CDK6: variants seen among roughly 807,000 people sequenced by gnomAD.
CDK6 encodes the protein cyclin dependent kinase 6.
A neutral mutation model predicts 37.1 loss-of-function variants in CDK6; 6 were observed. The observed-to-expected ratio is 0.16, with a 90% CI of 0.09 to 0.32. The LOEUF (loss-of-function observed/expected upper bound fraction) is 0.32. Ranked by LOEUF, CDK6 falls within the 10% of genes least tolerant of loss-of-function variation. The pLI, the probability that CDK6 is intolerant of heterozygous loss-of-function variation, is 1.00. For synonymous variants in CDK6, 160 were observed against 161.3 expected, an observed-to-expected ratio of 0.99 and a Z score of 0.06; for missense variants, 224 against 418.9, an observed-to-expected ratio of 0.53 and a Z score of 4.06.
At chr7:92,625,542 C>CA (rs922740091) in intron 5 of CDK6, among the ~76,000 whole-genome samples, 69 of 145,134 alleles carry the variant, frequency 4.8e-4, no homozygotes, top group Non-Finnish European at 9.4e-4. Flanking sequence ...CAAAAAAAAA[C>CA]AAAACAAAAC....
intron 2 of CDK6, among the ~76,000 whole-genome samples, chr7:92,782,644 G>A (rs1471300875): frequency 6.6e-6 from 1 of 152,192 alleles, no homozygotes. Context: ...ATGCAGAAGA[G>A]GGCCAGAACA....
chr7:92,638,538 T>C (rs1333354607), intron 5 of CDK6, among the ~76,000 whole-genome samples: 1 of 152,180 alleles, frequency 6.6e-6, no homozygotes, highest in Non-Finnish European at 1.5e-5. Flanking sequence ...CTCTGACAGG[T>C]AGCAGGACAA....
Position 92,776,313 on chromosome 7 carries a change from T to C in CDK6, c.234-1482A>G, listed in dbSNP as rs866419399. Among the ~76,000 whole-genome samples, 4 of 152,250 alleles carry C rather than the reference T, an allele frequency of 2.6e-5. No individual in the cohort carries two copies. In the South Asian group the frequency reaches 8.3e-4, roughly 31 times the overall value. On this transcript the variant is annotated intron_variant, in intron 2 of 7. Transcript: ENST00000424848. ...TTTTCTTTATCCAGTCTATCATTGA[T>C]GGGCATTTGGGTTGATTCCAAGTCT...
chr7:92,674,854 C>T (rs1338377447), intron 4 of CDK6, among the ~76,000 whole-genome samples: 1 of 152,154 alleles, frequency 6.6e-6, no homozygotes, highest in Non-Finnish European at 1.5e-5. Flanking sequence ...TCTTTTTAGA[C>T]AGGGTCTTGC....
At chr7:92,648,657 C>T (rs956626085) in intron 5 of CDK6, among the ~76,000 whole-genome samples, 1 of 152,098 alleles carries the variant, frequency 6.6e-6, no homozygotes, top group Admixed American at 6.5e-5. Flanking sequence ...GATGACAAAC[C>T]TAGAATGCCC....
chr7:92,682,403 T>C (rs999861797), intron 4 of CDK6, among the ~76,000 whole-genome samples: 3 of 152,330 alleles, frequency 2.0e-5, no homozygotes, highest in East Asian at 1.9e-4. Context: ...GGTCTTCCCA[T>C]AGGCCCTTCT....
Position 92,719,249 on chromosome 7 carries a change from C to T in CDK6, c.537+6377G>A, listed in dbSNP as rs943666767. Reference sequence around the variant, plus strand: ...CATCCCATCACCTGGGTATCAAGTCCAGTATTCATTAGCTATTCTTCCTGA... The same window carrying T: ...CATCCCATCACCTGGGTATCAAGTCTAGTATTCATTAGCTATTCTTCCTGA... On this transcript the variant is annotated intron_variant, in intron 4 of 7. Coordinates refer to ENST00000424848, the MANE Select transcript of CDK6 (RefSeq NM_001145306.2). Among the ~76,000 whole-genome samples, 6 of 152,172 alleles carry T rather than the reference C, an allele frequency of 3.9e-5. No individual in the cohort carries two copies. In the East Asian group the frequency reaches 1.2e-3, roughly 29 times the overall value.
Position 92,835,502 on chromosome 7 carries a change from C to T in CDK6, c.-368+976G>A, listed in dbSNP as rs1045480718. Among the ~76,000 whole-genome samples, 3 of 152,198 alleles carry T rather than the reference C, an allele frequency of 2.0e-5. No individual in the cohort carries two copies. The highest frequency in any genetic ancestry group is 2.0e-4 in the Admixed American group (3 of 15,284). On this transcript the variant is annotated intron_variant, in intron 1 of 7. Transcript: ENST00000424848. This position sits in a 1 kb window ranked among gnomAD's most constrained non-coding sequence, Gnocchi z 4.2. Reference sequence around the variant, plus strand: ...TTTTTTTGTTGTTGTTGTTGCTTTCCCACGCTGGCTGAATGTGACTTGACC... The same window carrying T: ...TTTTTTTGTTGTTGTTGTTGCTTTCTCACGCTGGCTGAATGTGACTTGACC...
intron 3 of CDK6, among the ~76,000 whole-genome samples, chr7:92,765,392 T>C (rs1799554966): frequency 6.6e-6 from 1 of 152,206 alleles, no homozygotes; most frequent in South Asian, 2.1e-4. Flanking sequence ...TTATTGGTTT[T>C]AGACTATTTC....
At chr7:92,639,344 G>A (rs775635351) in intron 5 of CDK6, among the ~76,000 whole-genome samples, 5 of 152,208 alleles carry the variant, frequency 3.3e-5, no homozygotes, top group African/African-American at 7.2e-5. Flanking sequence ...CTCTTTTGAC[G>A]TAACTTGGTG....
At chr7:92,650,646 T>A (rs775233734) in intron 5 of CDK6, among the ~76,000 whole-genome samples, 20 of 152,276 alleles carry the variant, frequency 1.3e-4, no homozygotes, top group Non-Finnish European at 7.4e-5. Flanking sequence ...TTCTGGAAGT[T>A]CTGGGGCTAA....
intron 2 of CDK6, among the ~76,000 whole-genome samples, chr7:92,787,517 T>C (rs1290036220): frequency 6.6e-6 from 1 of 152,114 alleles, no homozygotes; most frequent in African/African-American, 2.4e-5. Flanking sequence ...TTTGTCCACT[T>C]AGAATATAAA....
At chr7:92,767,368 C>T (rs561027685) in intron 3 of CDK6, among the ~76,000 whole-genome samples, 8 of 152,242 alleles carry the variant, frequency 5.3e-5, no homozygotes, top group Admixed American at 5.2e-4. Context: ...CTTGAAAGCA[C>T]AATATGTATG....
intron 2 of CDK6, among the ~76,000 whole-genome samples, chr7:92,820,846 G>T (rs1450514285): frequency 6.6e-6 from 1 of 152,038 alleles, no homozygotes; most frequent in East Asian, 1.9e-4. Context: ...ACAGTGAAAA[G>T]AAGCTGTATC....
At chr7:92,696,955 TGA>T in intron 4 of CDK6, among the ~76,000 whole-genome samples, 1 of 152,210 alleles carries the variant, frequency 6.6e-6, no homozygotes, top group Non-Finnish European at 1.5e-5. Flanking sequence ...GAGACAGGAA[TGA>T]GAGAGAGAAT....
chr7:92,682,080 C>G (rs1227884150), intron 4 of CDK6, among the ~76,000 whole-genome samples: 1 of 152,170 alleles, frequency 6.6e-6, no homozygotes, highest in Non-Finnish European at 1.5e-5. Flanking sequence ...ACAATTCCAT[C>G]GAGAGCATGT....
chr7:92,782,829 A>G (rs1481813729), intron 2 of CDK6, among the ~76,000 whole-genome samples: 1 of 152,226 alleles, frequency 6.6e-6, no homozygotes, highest in Non-Finnish European at 1.5e-5. Flanking sequence ...ACATCTATAA[A>G]TATTTTGAAA....
intron 4 of CDK6, among the ~76,000 whole-genome samples, chr7:92,700,491 C>T: frequency 6.6e-6 from 1 of 152,144 alleles, no homozygotes; most frequent in South Asian, 2.1e-4. Flanking sequence ...AGGATAAGTC[C>T]CAGGTTTCTG....
At position 92,833,439 on chromosome 7, in the gene CDK6, T is replaced by C; in HGVS notation, c.-116A>G. ...TCCCCGGAGATCGGTCTAGCTTTAC[T>C]TGCTCCCCGCCGGCTCAGGCGCTCG... On this transcript the variant is annotated 5_prime_UTR_variant, in exon 2 of 8. Transcript: ENST00000424848. This position sits in a 1 kb window ranked among gnomAD's most constrained non-coding sequence, Gnocchi z 6.1. The C allele has an allele frequency of 2.9e-6, 2 of 694,946 alleles. No individual in the cohort carries two copies. Among genetic ancestry groups the C allele is most frequent in the Non-Finnish European group, 4.6e-6 (2 of 438,070 alleles). 43.0% of individuals were successfully genotyped at this position (694,946 alleles called of 1,614,324 possible). A position where few individuals can be genotyped will look rare whatever the true frequency, so the allele number is the denominator to read the frequency against.
Sources: gnomAD v4.1 joint callset for allele counts (sites outside exome capture counted in the v4.1 genomes callset) on GRCh38, gnomAD v4.1.1 for gene constraint, Gnocchi (gnomAD v3.1) non-coding constraint, MANE v1.5 for transcripts, NCBI Gene and HGNC (gene_info 2026-07-23, HGNC 2026-07-21) for gene names.